SPPL3: variants seen among roughly 807,000 people sequenced by gnomAD.
SPPL3 encodes signal peptide peptidase like 3.
SPPL3 carries 5 observed loss-of-function variants against 42.4 expected under a neutral mutation model. The ratio of observed to expected loss-of-function variants is 0.12; its 90% CI spans 0.06 to 0.25. SPPL3 has a LOEUF of 0.25. Ranked by LOEUF, SPPL3 falls within the 10% of genes least tolerant of loss-of-function variation. The pLI is 1.00. For missense variants in SPPL3, 235 were observed against 489.0 expected, an observed-to-expected ratio of 0.48 and a Z score of 4.90; for synonymous variants, 195 against 181.8, an observed-to-expected ratio of 1.07 and a Z score of -0.58.
intron 2 of SPPL3, among the ~76,000 whole-genome samples, chr12:120,793,828 G>A (rs1040170014): frequency 2.0e-5 from 3 of 152,172 alleles, no homozygotes; most frequent in Non-Finnish European, 4.4e-5. Context: ...CCCCATATAT[G>A]GTCTGCATTA....
intron 9 of SPPL3, 98 bp downstream of exon 9, chr12:120,767,296 C>T: frequency 7.6e-7 from 1 of 1,317,110 alleles, no homozygotes; most frequent in Non-Finnish European, 1.0e-6. Flanking sequence ...TCCTGCTCTC[C>T]TTCCATCCAG....
At chr12:120,897,565 T>G (rs1281693295) in intron 1 of SPPL3, among the ~76,000 whole-genome samples, 1 of 151,960 alleles carries the variant, frequency 6.6e-6, no homozygotes, top group Non-Finnish European at 1.5e-5. Context: ...CTACTAAAAT[T>G]ACAAAAAATT....
At chr12:120,792,003 G>C in intron 2 of SPPL3, 1 of 174,206 alleles carries the variant, frequency 5.7e-6, no homozygotes, top group South Asian at 1.5e-4. Flanking sequence ...AAAAATTTGA[G>C]TGTCTTCTAT....
intron 1 of SPPL3, among the ~76,000 whole-genome samples, chr12:120,841,288 G>C (rs2061107257): frequency 1.3e-5 from 2 of 151,642 alleles, no homozygotes; most frequent in South Asian, 4.2e-4. Context: ...TCGTGGCACT[G>C]AACTCCAGCC....
intron 1 of SPPL3, among the ~76,000 whole-genome samples, chr12:120,857,398 T>C (rs1872497047): frequency 6.6e-6 from 1 of 152,332 alleles, no homozygotes; most frequent in South Asian, 2.1e-4. Context: ...AGTTCAACCA[T>C]TGTGGAAGAC....
Position 120,847,081 on chromosome 12 carries a change from G to C in SPPL3, c.24-36195C>G, listed in dbSNP as rs371688745. On this transcript the variant is annotated intron_variant, in intron 1 of 10. Coordinates refer to ENST00000353487, the MANE Select transcript of SPPL3 (RefSeq NM_139015.5). ...TGACTTATAAACCCAGATAAATGAAGTTTTATGTTACTGAATACCTGCACC... is the reference window on the plus strand; with the variant it reads ...TGACTTATAAACCCAGATAAATGAACTTTTATGTTACTGAATACCTGCACC... 8.5e-5 allele frequency among the ~76,000 whole-genome samples: 13 copies of C among 152,204 alleles called. No individual in the cohort carries two copies. In the South Asian group the frequency reaches 2.3e-3, roughly 27 times the overall value.
intron 1 of SPPL3, among the ~76,000 whole-genome samples, chr12:120,874,727 T>A (rs140720676): frequency 6.6e-6 from 1 of 151,980 alleles, no homozygotes; most frequent in South Asian, 2.1e-4. Flanking sequence ...GTGTGTGTGA[T>A]GTGGGGGAGA....
At chr12:120,890,677 C>A (rs1480120429) in intron 1 of SPPL3, among the ~76,000 whole-genome samples, 4 of 150,064 alleles carry the variant, frequency 2.7e-5, no homozygotes, top group African/African-American at 7.4e-5. Context: ...AACACATGAA[C>A]ATTATTCATG....
intron 1 of SPPL3, among the ~76,000 whole-genome samples, chr12:120,846,781 A>C (rs1295389007): frequency 6.6e-6 from 1 of 152,258 alleles, no homozygotes; most frequent in African/African-American, 2.4e-5. Flanking sequence ...TAGTTGAGCC[A>C]TTTATAAAGT....
chr12:120,779,490 T>A (rs762740104), intron 6 of SPPL3, among the ~76,000 whole-genome samples: 1 of 152,234 alleles, frequency 6.6e-6, no homozygotes. Context: ...AAAAATTCTT[T>A]GGAATTACAA....
chr12:120,793,781 C>A (rs1048668063), intron 2 of SPPL3, among the ~76,000 whole-genome samples: 1 of 152,202 alleles, frequency 6.6e-6, no homozygotes, highest in African/African-American at 2.4e-5. Context: ...GATTTCATAC[C>A]TGAATCCTTT....
At chr12:120,766,511 G>T in intron 9 of SPPL3, 139 bp from the exon 10 acceptor site, 1 of 590,478 alleles carries the variant, frequency 1.7e-6, no homozygotes, top group Non-Finnish European at 2.8e-6. Context: ...GCCCAGCTTG[G>T]GCAGTTGAAG....
At chr12:120,832,930 G>C (rs73229156) in intron 1 of SPPL3, among the ~76,000 whole-genome samples, 16,022 of 152,170 alleles carry the variant, frequency 0.11, 1,042 homozygotes, top group East Asian at 0.3. Flanking sequence ...CACCACATCA[G>C]CACTATGGGG....
chr12:120,781,388 TTTATG>T (rs1869531195), intron 6 of SPPL3, among the ~76,000 whole-genome samples: 2 of 152,032 alleles, frequency 1.3e-5, no homozygotes, highest in Admixed American at 6.6e-5. Flanking sequence ...ATGATATACT[TTTATG>T]TAATGATATA....
chr12:120,828,287 A>G (rs1022401629), intron 1 of SPPL3, among the ~76,000 whole-genome samples: 3 of 152,206 alleles, frequency 2.0e-5, no homozygotes, highest in Non-Finnish European at 2.9e-5. Flanking sequence ...GAGGATGAAA[A>G]CAAAACATAT....
intron 1 of SPPL3, among the ~76,000 whole-genome samples, chr12:120,900,220 C>G (rs148804668): frequency 6.6e-6 from 1 of 151,976 alleles, no homozygotes; most frequent in Non-Finnish European, 1.5e-5. Context: ...TATTCTTCAC[C>G]GAGTCCATCC....
At chr12:120,844,378 G>A (rs866364654) in intron 1 of SPPL3, among the ~76,000 whole-genome samples, 9 of 151,976 alleles carry the variant, frequency 5.9e-5, no homozygotes, top group African/African-American at 1.5e-4. Context: ...ATTCTCCTTC[G>A]CTCAACCCAC....
In SPPL3 at chr12:120,767,667, T is replaced by G. The variant is rs952481367; in HGVS notation, c.774-74A>C. ...TTCTATTCCTTTTGTGCAAAGTTTG[T>G]TAGCTTTTTAAGGAGTCAAAGAGCT... is the stretch of plus-strand genomic sequence containing the variant. On this transcript the variant is annotated intron_variant, in intron 8 of 10. Coordinates refer to ENST00000353487, the MANE Select transcript of SPPL3 (RefSeq NM_139015.5). 2.2e-5 allele frequency: 34 copies of G among 1,513,642 alleles called. No homozygotes were observed. In the African/African-American group the frequency reaches 4.1e-4, roughly 18 times the overall value. The allele number at this position is 1,513,642 out of a possible 1,614,324, so 93.8% of individuals were successfully genotyped here.
chr12:120,773,190 G>C (rs1404608505), intron 6 of SPPL3, among the ~76,000 whole-genome samples: 1 of 152,166 alleles, frequency 6.6e-6, no homozygotes, highest in East Asian at 1.9e-4. Flanking sequence ...TGAAAGGACA[G>C]GACCTCCCAT....
Sources: gnomAD v4.1 joint callset for allele counts (sites outside exome capture counted in the v4.1 genomes callset) on GRCh38, gnomAD v4.1.1 for gene constraint, MANE v1.5 for transcripts, NCBI Gene and HGNC (gene_info 2026-07-23, HGNC 2026-07-21) for gene names.